The following CRPPA variants were observed in gnomAD, a reference collection of about 807,000 sequenced individuals.
The protein encoded by CRPPA is D-ribitol-5-phosphate cytidylyltransferase.
CRPPA carries 43 observed loss-of-function variants against 52.0 expected under a neutral mutation model. The observed-to-expected ratio is 0.83, with a 90% CI of 0.65 to 1.07. The LOEUF is 1.07. Among genes scored for constraint, CRPPA ranks in the 50% least tolerant of loss-of-function variants. The probability of loss-of-function intolerance (pLI) is 0.00; values close to 1 mark genes in which losing one functional copy is unlikely to be tolerated. For missense variants in CRPPA, 629 were observed against 551.7 expected (o/e 1.14, Z -1.40); for synonymous variants, 250 against 203.5 (o/e 1.23, Z -1.94).
At chr7:16,255,574 G>A (rs576753487) in intron 8 of CRPPA, among the ~76,000 whole-genome samples, 28 of 152,136 alleles carry the variant, frequency 1.8e-4, no homozygotes, top group South Asian at 1.4e-3. Flanking sequence ...AAACAGCATG[G>A]TACTGGGTAC....
chr7:16,185,709 G>C (rs377005456), intron 9 of CRPPA, among the ~76,000 whole-genome samples: 2 of 152,084 alleles, frequency 1.3e-5, no homozygotes, highest in East Asian at 1.9e-4. Flanking sequence ...GGGGTTGAAA[G>C]TCAGGCAAAA....
At chr7:16,126,938 C>T (rs1005728210) in intron 9 of CRPPA, among the ~76,000 whole-genome samples, 37 of 152,042 alleles carry the variant, frequency 2.4e-4, no homozygotes, top group African/African-American at 8.4e-4. Flanking sequence ...AAATAGTATG[C>T]TACAAGACTC....
intron 9 of CRPPA, among the ~76,000 whole-genome samples, chr7:16,159,338 G>A (rs1783253536): frequency 6.6e-6 from 1 of 152,044 alleles, no homozygotes; most frequent in African/African-American, 2.4e-5. Flanking sequence ...CTGAGATTAA[G>A]GAACGCTTGT....
At chr7:16,326,575 T>C (rs902503279) in intron 3 of CRPPA, among the ~76,000 whole-genome samples, 3 of 152,224 alleles carry the variant, frequency 2.0e-5, no homozygotes, top group Admixed American at 1.3e-4. Flanking sequence ...GCAATATTCC[T>C]GGAAAAAAGT....
rs192312031 is a variant in CRPPA at position 16,170,732 on chromosome 7, G to A, written c.1251+45334C>T. Among the ~76,000 whole-genome samples the A allele has an allele frequency of 3.3e-5, 5 of 152,320 alleles. No individual in the cohort carries two copies. In the East Asian group the frequency reaches 9.7e-4, roughly 30 times the overall value. ...GGTCCCGAGCCCTGCCCTGCAGGGA[G>A]GCAGCTGAGGCCCCGTGAGAATTCA... On this transcript the variant is annotated intron_variant, in intron 9 of 9. Transcript: ENST00000407010.
At chr7:16,193,853 T>C (rs1781668213) in intron 9 of CRPPA, among the ~76,000 whole-genome samples, 1 of 152,110 alleles carries the variant, frequency 6.6e-6, no homozygotes, top group Non-Finnish European at 1.5e-5. Context: ...CAATGGGTAT[T>C]GTTTCCTTTA....
At chr7:16,377,896 ACC>A (rs1786939675) in intron 2 of CRPPA, among the ~76,000 whole-genome samples, 1 of 151,940 alleles carries the variant, frequency 6.6e-6, no homozygotes, top group Non-Finnish European at 1.5e-5. Context: ...CATAGTTCCC[ACC>A]CATGCCCCAG....
intron 6 of CRPPA, chr7:16,262,110 C>T (rs181292935): frequency 5.3e-5 from 8 of 152,178 alleles, no homozygotes; most frequent in African/African-American, 9.6e-5. Flanking sequence ...AGTTTTATTA[C>T]GAATTGTTAT....
intron 5 of CRPPA, among the ~76,000 whole-genome samples, chr7:16,295,261 G>A (rs190103729): frequency 2.0e-5 from 3 of 152,082 alleles, no homozygotes; most frequent in African/African-American, 7.2e-5. Context: ...TGAATAAGAT[G>A]TAAGTTTCTG....
At chr7:16,333,637 A>C (rs1785610464) in intron 3 of CRPPA, among the ~76,000 whole-genome samples, 1 of 152,350 alleles carries the variant, frequency 6.6e-6, no homozygotes, top group South Asian at 2.1e-4. Context: ...AAAAAGAGTC[A>C]ATTAATTCAA....
At chr7:16,205,332 C>G (rs1195367392) in intron 9 of CRPPA, among the ~76,000 whole-genome samples, 1 of 152,188 alleles carries the variant, frequency 6.6e-6, no homozygotes, top group Middle Eastern at 3.4e-3. Context: ...GCTGGCAAAG[C>G]CTGGTGTTCT....
chr7:16,420,747 GC>G (rs1788310677), intron 1 of CRPPA, among the ~76,000 whole-genome samples: 1 of 152,086 alleles, frequency 6.6e-6, no homozygotes, highest in Non-Finnish European at 1.5e-5. Context: ...TTCTCCTCAG[GC>G]CCCACAGCTA....
intron 3 of CRPPA, among the ~76,000 whole-genome samples, chr7:16,333,660 G>A (rs562508840): frequency 6.6e-6 from 1 of 152,094 alleles, no homozygotes; most frequent in African/African-American, 2.4e-5. Flanking sequence ...GTAAGTAGAA[G>A]AAATCAATAA....
intron 6 of CRPPA, 112 bp from the exon 7 acceptor site, chr7:16,259,124 A>T (rs1356619625): frequency 1.7e-5 from 9 of 527,512 alleles, no homozygotes; most frequent in Non-Finnish European, 2.3e-5. Context: ...AGGACCATAT[A>T]TTTTTTAAAA....
intron 8 of CRPPA, among the ~76,000 whole-genome samples, chr7:16,223,239 A>C (rs1306825471): frequency 2.0e-5 from 3 of 152,200 alleles, no homozygotes; most frequent in Non-Finnish European, 4.4e-5. Context: ...AAAAGTCTCA[A>C]CATACTATTT....
At chr7:16,341,722 T>G (rs1022363397) in intron 3 of CRPPA, among the ~76,000 whole-genome samples, 2 of 152,180 alleles carry the variant, frequency 1.3e-5, no homozygotes, top group African/African-American at 2.4e-5. Context: ...TGTCTACCAC[T>G]TCCCAAATAT....
chr7:16,246,972 T>C (rs75307962), intron 8 of CRPPA, among the ~76,000 whole-genome samples: 3,519 of 152,290 alleles, frequency 0.023, 151 homozygotes, highest in East Asian at 0.2. Context: ...GGCATTGACT[T>C]CTCTGTCCAT....
chr7:16,239,049 G>T (rs906482283), intron 8 of CRPPA, among the ~76,000 whole-genome samples: 12 of 144,740 alleles, frequency 8.3e-5, no homozygotes, highest in African/African-American at 3.0e-4. Context: ...GGAGGCAGGA[G>T]AATTGCTTGA....
At chr7:16,404,367 G>T (rs1787898890) in intron 2 of CRPPA, among the ~76,000 whole-genome samples, 1 of 152,008 alleles carries the variant, frequency 6.6e-6, no homozygotes, top group African/African-American at 2.4e-5. Flanking sequence ...CCTCAAATCT[G>T]CAAAAAGTAA....
Sources: gnomAD v4.1 joint callset for allele counts (sites outside exome capture counted in the v4.1 genomes callset) on GRCh38, gnomAD v4.1.1 for gene constraint, MANE v1.5 for transcripts, NCBI Gene and HGNC (gene_info 2026-07-23, HGNC 2026-07-21) for gene names.